Variants in SCFD2 observed in about 807,000 individuals in gnomAD.
The protein encoded by SCFD2 is sec1 family domain containing 2.
In SCFD2, 54 loss-of-function variants were observed where a neutral mutation model predicts 58.9. That is an observed-to-expected ratio of 0.92 (90% CI 0.74 to 1.15). SCFD2 has a LOEUF of 1.15. Ranked by LOEUF, SCFD2 falls within the 50% of genes most tolerant of loss-of-function variation. The pLI is 0.00. For missense variants in SCFD2, 805 were observed against 836.6 expected (o/e 0.96, Z 0.47); for synonymous variants, 321 against 335.9 (o/e 0.96, Z 0.49).
chr4:53,344,897 T>G (rs989861753), intron 2 of SCFD2, among the ~76,000 whole-genome samples: 3 of 152,190 alleles, frequency 2.0e-5, no homozygotes, highest in African/African-American at 7.2e-5. Context: ...ACTAGCCACA[T>G]GTAGAAAGCT....
rs528788196 is a variant in SCFD2 at position 52,879,590 on chromosome 4, G to A, written c.1963-5529C>T. On this transcript the variant is annotated intron_variant, in intron 8 of 8. Transcript: ENST00000401642. ...TCAGCCAGGGAACCAAGTCCCTCCA[G>A]CAGCCTTCAGCCCACACTTGATATC... Among the ~76,000 whole-genome samples, 43 of 152,290 alleles carry A rather than the reference G, an allele frequency of 2.8e-4. No individual in the cohort carries two copies. In the South Asian group the frequency reaches 8.5e-3, roughly 30 times the overall value.
At chr4:53,011,525 A>T (rs1722093392) in intron 5 of SCFD2, among the ~76,000 whole-genome samples, 1 of 152,198 alleles carries the variant, frequency 6.6e-6, no homozygotes, top group African/African-American at 2.4e-5. Flanking sequence ...AGCCAGAAAC[A>T]ATTTCCTGTG....
At chr4:53,288,409 C>A (rs1344866632) in intron 3 of SCFD2, among the ~76,000 whole-genome samples, 2 of 151,896 alleles carry the variant, frequency 1.3e-5, no homozygotes, top group Non-Finnish European at 2.9e-5. Context: ...ACTATAAAGT[C>A]CCCAAAAAGG....
intron 4 of SCFD2, among the ~76,000 whole-genome samples, chr4:53,219,090 C>A (rs1321295529): frequency 6.6e-6 from 1 of 152,186 alleles, no homozygotes; most frequent in Non-Finnish European, 1.5e-5. Context: ...GAGTCAGGGA[C>A]CCACTGGAGG....
chr4:53,344,771 A>T (rs1223441599), intron 2 of SCFD2, among the ~76,000 whole-genome samples: 1 of 152,212 alleles, frequency 6.6e-6, no homozygotes, highest in East Asian at 1.9e-4. Flanking sequence ...AATGGAACAG[A>T]ACAGAGGCCT....
intron 5 of SCFD2, among the ~76,000 whole-genome samples, chr4:53,127,486 G>A (rs1725660905): frequency 6.6e-6 from 1 of 152,162 alleles, no homozygotes; most frequent in Admixed American, 6.5e-5. Flanking sequence ...TTATGATCCT[G>A]GAGGGAAGGC....
At chr4:53,269,931 T>C (rs770738388) in intron 4 of SCFD2, among the ~76,000 whole-genome samples, 6 of 152,042 alleles carry the variant, frequency 3.9e-5, no homozygotes, top group Non-Finnish European at 7.4e-5. Context: ...GAGGCTGACA[T>C]GGGAAAATCA....
At chr4:53,209,749 C>T (rs1329145834) in intron 4 of SCFD2, among the ~76,000 whole-genome samples, 1 of 151,272 alleles carries the variant, frequency 6.6e-6, no homozygotes, top group African/African-American at 2.4e-5. Context: ...TTGCTAGTAA[C>T]TTTGTAGTCT....
At chr4:53,258,645 C>T (rs977615849) in intron 4 of SCFD2, among the ~76,000 whole-genome samples, 4 of 149,240 alleles carry the variant, frequency 2.7e-5, no homozygotes, top group African/African-American at 9.9e-5. Context: ...TGGGCTGGTT[C>T]CATACTTTCA....
chr4:52,933,985 T>G (rs936700284), intron 5 of SCFD2, among the ~76,000 whole-genome samples: 1 of 152,198 alleles, frequency 6.6e-6, no homozygotes, highest in Non-Finnish European at 1.5e-5. Context: ...GTTGGTGACA[T>G]GCCTTTGGAA....
rs141143179 is a variant in SCFD2 at position 53,236,808 on chromosome 4, T to TTTTA, written c.1311+37014_1311+37017dup. Among the ~76,000 whole-genome samples, 349 of 138,318 alleles carry TTTTA rather than the reference T, an allele frequency of 2.5e-3. 1 individual carries two copies. The highest frequency in any genetic ancestry group is 7.5e-3 in the Middle Eastern group (2 of 268). The allele number at this position is 138,318 out of a possible 152,430, so 90.7% of individuals were successfully genotyped here. On this transcript the variant is annotated intron_variant, in intron 4 of 8. Coordinates refer to ENST00000401642, the MANE Select transcript of SCFD2 (RefSeq NM_152540.4). ...GATTTCTAACTACTTAAAGTCACTG[T>TTTTA]TTTATTTATTTATTTATTTATTTAT...
At chr4:53,289,130 C>T (rs1183743187) in intron 3 of SCFD2, among the ~76,000 whole-genome samples, 1 of 152,120 alleles carries the variant, frequency 6.6e-6, no homozygotes, top group South Asian at 2.1e-4. Context: ...TTTGGGAGGC[C>T]GAGGCAGGTG....
chr4:52,971,109 C>A (rs1577869388), intron 5 of SCFD2, among the ~76,000 whole-genome samples: 1 of 152,140 alleles, frequency 6.6e-6, no homozygotes, highest in Non-Finnish European at 1.5e-5. Flanking sequence ...AATCAGAGCA[C>A]CTCTCCTCCT....
At chr4:53,288,818 T>A (rs1471992037) in intron 3 of SCFD2, among the ~76,000 whole-genome samples, 1 of 152,174 alleles carries the variant, frequency 6.6e-6, no homozygotes. Context: ...AGTATAAAAC[T>A]CACTGGTAGA....
chr4:53,237,912 C>G (rs1729708622), intron 4 of SCFD2, among the ~76,000 whole-genome samples: 2 of 97,794 alleles, frequency 2.0e-5, no homozygotes, highest in South Asian at 4.2e-4. Flanking sequence ...GGGGCTGACC[C>G]CCCCACCTCC....
chr4:52,899,914 T>G (rs996425737), intron 7 of SCFD2, among the ~76,000 whole-genome samples: 7 of 152,242 alleles, frequency 4.6e-5, no homozygotes, highest in Admixed American at 1.3e-4. Context: ...CTTCCATCGC[T>G]GATACCCTTT....
intron 3 of SCFD2, among the ~76,000 whole-genome samples, chr4:53,311,148 G>A (rs903637726): frequency 7.9e-5 from 12 of 152,086 alleles, no homozygotes; most frequent in African/African-American, 1.9e-4. Flanking sequence ...AAGAAATTCC[G>A]GCTAGTGATA....
At chr4:53,092,896 A>G (rs1322334449) in intron 5 of SCFD2, among the ~76,000 whole-genome samples, 1 of 152,128 alleles carries the variant, frequency 6.6e-6, no homozygotes, top group South Asian at 2.1e-4. Context: ...CAGAGGGCCC[A>G]AATGGGGAAG....
chr4:53,175,592 G>A (rs1727304688), intron 4 of SCFD2, among the ~76,000 whole-genome samples: 2 of 152,046 alleles, frequency 1.3e-5, no homozygotes, highest in Non-Finnish European at 2.9e-5. Context: ...GTTTATTTAT[G>A]CCTTATCTTT....
Sources: gnomAD v4.1 joint callset for allele counts (sites outside exome capture counted in the v4.1 genomes callset) on GRCh38, gnomAD v4.1.1 for gene constraint, MANE v1.5 for transcripts, NCBI Gene and HGNC (gene_info 2026-07-23, HGNC 2026-07-21) for gene names.